Variants in TOP6BL observed in about 807,000 individuals in gnomAD.
TOP6BL encodes TOP6B like initiator of meiotic double strand breaks.
At chr11:66,795,403 G>C in the TOP6BL span, among the ~76,000 whole-genome samples, 2 of 150,746 alleles carry the variant, frequency 1.3e-5, no homozygotes, top group Non-Finnish European at 2.9e-5. Flanking sequence ...CCAGGTTCAA[G>C]TGATTCTCCT....
At chr11:66,833,943 G>T in the TOP6BL span, among the ~76,000 whole-genome samples, 1 of 150,066 alleles carries the variant, frequency 6.7e-6, no homozygotes, top group African/African-American at 2.5e-5. Context: ...GCAAGACTCT[G>T]TCTCAAAAAA....
chr11:66,807,251 G>A, the TOP6BL span, among the ~76,000 whole-genome samples: 1 of 152,192 alleles, frequency 6.6e-6, no homozygotes, highest in South Asian at 2.1e-4. Context: ...TCTCAATGAA[G>A]GCAAAGGCTA....
At chr11:66,744,874 C>G in the TOP6BL span, 3 of 1,302,840 alleles carry the variant, frequency 2.3e-6, no homozygotes, top group African/African-American at 4.6e-5. Flanking sequence ...GGCGTTGCCG[C>G]TGTTCCCTGC....
chr11:66,803,653 G>C, the TOP6BL span, among the ~76,000 whole-genome samples: 1 of 152,118 alleles, frequency 6.6e-6, no homozygotes, highest in Non-Finnish European at 1.5e-5. Flanking sequence ...TTGAACTCCT[G>C]ACCTCAAGTG....
the TOP6BL span, among the ~76,000 whole-genome samples, chr11:66,771,051 A>G: frequency 6.6e-6 from 1 of 151,974 alleles, no homozygotes; most frequent in Non-Finnish European, 1.5e-5. Context: ...TTATTCTTTT[A>G]TATAATTCTC....
chr11:66,833,040 C>CTTT, the TOP6BL span, among the ~76,000 whole-genome samples: 109 of 117,254 alleles, frequency 9.3e-4, no homozygotes, highest in Middle Eastern at 6.0e-3. Flanking sequence ...ATCTTTCTGC[C>CTTT]TTTTTTTTTT....
At chr11:66,806,671 G>T in the TOP6BL span, among the ~76,000 whole-genome samples, 6 of 152,168 alleles carry the variant, frequency 3.9e-5, no homozygotes, top group Non-Finnish European at 8.8e-5. Flanking sequence ...GGGAGACTGA[G>T]ACAGGAGAAT....
chr11:66,765,661 G>A, the TOP6BL span, among the ~76,000 whole-genome samples: 4 of 152,022 alleles, frequency 2.6e-5, no homozygotes, highest in African/African-American at 4.8e-5. Flanking sequence ...GATTACAAGC[G>A]CCTGCCACCA....
the TOP6BL span, among the ~76,000 whole-genome samples, chr11:66,746,496 C>T: frequency 6.6e-6 from 1 of 152,140 alleles, no homozygotes; most frequent in African/African-American, 2.4e-5. Context: ...AGGCGGATCA[C>T]CTGAGGTCGG....
chr11:66,761,352 C>T, the TOP6BL span, among the ~76,000 whole-genome samples: 1 of 150,014 alleles, frequency 6.7e-6, no homozygotes, highest in African/African-American at 2.5e-5. Context: ...GCCTGGGCGA[C>T]AGAGCGAGAG....
chr11:66,822,156 T>C, the TOP6BL span, among the ~76,000 whole-genome samples: 1 of 152,218 alleles, frequency 6.6e-6, no homozygotes, highest in Non-Finnish European at 1.5e-5. Flanking sequence ...TCTCCTTACC[T>C]GATTTTCTAC....
chr11:66,788,282 G>A, the TOP6BL span: 15 of 1,547,258 alleles, frequency 9.7e-6, no homozygotes, highest in Non-Finnish European at 1.3e-5. Flanking sequence ...AGGTTTTGTT[G>A]TGGTCTTATA....
At chr11:66,747,690 C>T in the TOP6BL span, among the ~76,000 whole-genome samples, 2 of 152,142 alleles carry the variant, frequency 1.3e-5, no homozygotes, top group African/African-American at 4.8e-5. Flanking sequence ...CTGATCAGGG[C>T]TCACTTCAGC....
chr11:66,770,943 A>G, the TOP6BL span, among the ~76,000 whole-genome samples: 3 of 152,162 alleles, frequency 2.0e-5, no homozygotes, highest in East Asian at 1.9e-4. Context: ...CAAGCTGCCA[A>G]GTGTTACTTG....
chr11:66,831,577 AG>A, the TOP6BL span, among the ~76,000 whole-genome samples: 2 of 152,208 alleles, frequency 1.3e-5, no homozygotes, highest in Admixed American at 1.3e-4. Flanking sequence ...AGTGGTTACT[AG>A]AGGATGGGAG....
At chr11:66,788,729 CTT>C in the TOP6BL span, among the ~76,000 whole-genome samples, 3 of 152,046 alleles carry the variant, frequency 2.0e-5, no homozygotes, top group Non-Finnish European at 4.4e-5. Flanking sequence ...TCTAATGTCT[CTT>C]TATTTTTATT....
At chr11:66,766,970 G>A in the TOP6BL span, among the ~76,000 whole-genome samples, 1 of 151,928 alleles carries the variant, frequency 6.6e-6, no homozygotes, top group African/African-American at 2.4e-5. Flanking sequence ...TTTTATGGTG[G>A]GGTTTCTCCT....
At chr11:66,755,309 C>T in the TOP6BL span, among the ~76,000 whole-genome samples, 11 of 152,004 alleles carry the variant, frequency 7.2e-5, no homozygotes, top group South Asian at 2.1e-4. Context: ...TTAGTAGAAA[C>T]GGGGTTTCAC....
chr11:66,793,445 T>G, the TOP6BL span, among the ~76,000 whole-genome samples: 2 of 97,238 alleles, frequency 2.1e-5, no homozygotes, highest in South Asian at 5.5e-4. Flanking sequence ...TCTTTTTTTG[T>G]TTTTTTTTTT....
Sources: gnomAD v4.1 joint callset for allele counts (sites outside exome capture counted in the v4.1 genomes callset) on GRCh38, gnomAD v4.1.1 for gene constraint, MANE v1.5 for transcripts, NCBI Gene and HGNC (gene_info 2026-07-23, HGNC 2026-07-21) for gene names.